The following BTBD16 variants were observed in gnomAD, a reference collection of about 807,000 sequenced individuals.
BTBD16 encodes the protein BTB/POZ domain-containing protein 16.
A neutral mutation model predicts 67.4 loss-of-function variants in BTBD16; 66 were observed. The ratio of observed to expected loss-of-function variants is 0.98; its 90% CI spans 0.80 to 1.20. BTBD16 has a LOEUF of 1.20. Among genes scored for constraint, BTBD16 ranks in the 50% most tolerant of loss-of-function variants. The pLI is 0.00. For synonymous variants in BTBD16, 242 were observed against 236.4 expected, an observed-to-expected ratio of 1.02 and a Z score of -0.22; for missense variants, 634 against 616.0, an observed-to-expected ratio of 1.03 and a Z score of -0.31.
At chr10:122,332,367 T>G in intron 12 of BTBD16, 69 bp from the exon 13 acceptor site, 3 of 1,469,130 alleles carry the variant, frequency 2.0e-6, no homozygotes, top group Non-Finnish European at 2.8e-6. Context: ...GGAAGAGGCA[T>G]GAAGATGAAG....
intron 10 of BTBD16, among the ~76,000 whole-genome samples, chr10:122,313,396 CT>C (rs2096417833): frequency 1.3e-5 from 2 of 151,410 alleles, no homozygotes; most frequent in Non-Finnish European, 2.9e-5. Context: ...TCCTGAGTAG[CT>C]GGGATTACAG....
At chr10:122,276,977 A>G (rs373085147) in intron 3 of BTBD16, 38 bp downstream of exon 3, 46 of 1,599,330 alleles carry the variant, frequency 2.9e-5, no homozygotes, top group Admixed American at 1.0e-4. Flanking sequence ...GGAATGGCCC[A>G]TTATTCCTGG....
At chr10:122,307,673 T>C (rs1256059317) in intron 10 of BTBD16, among the ~76,000 whole-genome samples, 1 of 152,192 alleles carries the variant, frequency 6.6e-6, no homozygotes, top group African/African-American at 2.4e-5. Flanking sequence ...AAACTCACTT[T>C]TTCTGTGGAA....
chr10:122,326,910 C>T (rs927422460), intron 10 of BTBD16, among the ~76,000 whole-genome samples: 3 of 152,256 alleles, frequency 2.0e-5, no homozygotes, highest in Non-Finnish European at 4.4e-5. Context: ...CCATGCCAGT[C>T]TTTGAGTCCA....
At chr10:122,304,550 C>CTTTT (rs3037891) in intron 9 of BTBD16, among the ~76,000 whole-genome samples, 2 of 95,430 alleles carry the variant, frequency 2.1e-5, no homozygotes, top group Non-Finnish European at 4.0e-5. Context: ...AGCAGGTATT[C>CTTTT]TTTTTTTTTT....
rs146319342 is a variant in BTBD16 at position 122,324,154 on chromosome 10, G to A, written c.912-5326G>A. Among the ~76,000 whole-genome samples, 926 of 152,262 alleles carry A rather than the reference G, an allele frequency of 6.1e-3. 6 individuals carry two copies. The highest frequency in any genetic ancestry group is 0.02 in the African/African-American group (832 of 41,546). Reference sequence around the variant, plus strand: ...AGCCTTTACAGAGCTTGACAAAGCCGGTTCCAGAAAGCCTTCTCTGATCTC... The same window carrying A: ...AGCCTTTACAGAGCTTGACAAAGCCAGTTCCAGAAAGCCTTCTCTGATCTC... On this transcript the variant is annotated intron_variant, in intron 10 of 15. Transcript: ENST00000260723.
Position 122,286,130 on chromosome 10 carries a change from C to T in BTBD16, c.267C>T (p.Phe89=). Residue 89 remains phenylalanine, a synonymous_variant, in exon 5 of 16, where the codon TTC becomes TTT. Coordinates refer to ENST00000260723, the MANE Select transcript of BTBD16 (RefSeq NM_144587.5). ...EADVILECLG[F]KWELHQPQLF... ...ATGTGATTCTCGAGTGCCTGGGCTT[C>T]AAATGGGAGCTCCATCAGCCCCAGC... 8 of 1,613,796 alleles carry T rather than the reference C, an allele frequency of 5.0e-6. No homozygotes were observed. The highest frequency in any genetic ancestry group is 6.8e-6 in the Non-Finnish European group (8 of 1,179,756).
chr10:122,284,609 A>T (rs915866061), intron 4 of BTBD16, among the ~76,000 whole-genome samples: 5 of 151,452 alleles, frequency 3.3e-5, no homozygotes, highest in African/African-American at 1.2e-4. Flanking sequence ...AAGAATCAGG[A>T]TAGGTCCTTT....
chr10:122,286,199 G>A lies in BTBD16; in HGVS notation c.336G>A (p.Leu112=). 1 of 1,613,916 alleles carries A rather than the reference G, an allele frequency of 6.2e-7. No homozygotes were observed. Among genetic ancestry groups the A allele is most frequent in the South Asian group, 1.1e-5 (1 of 91,038 alleles). The change falls in exon 5 of 16, where the codon CTG becomes CTA. Residue 112 remains leucine, a synonymous_variant. Transcript: ENST00000260723. ...ETLAKLYLKA[L]AQGTTHPLRE... ...TGGCCAAGCTCTACCTGAAAGCCCT[G>A]GCGCAGGGCACCACACACCCCCTGA...
intron 3 of BTBD16, among the ~76,000 whole-genome samples, chr10:122,277,151 A>G (rs2096342449): frequency 8.4e-6 from 1 of 119,628 alleles, no homozygotes; most frequent in African/African-American, 4.0e-5. Flanking sequence ...GCAGAGAAAG[A>G]TTGAATTTTT....
chr10:122,322,301 G>C (rs539794689), intron 10 of BTBD16, among the ~76,000 whole-genome samples: 2 of 152,118 alleles, frequency 1.3e-5, no homozygotes, highest in Non-Finnish European at 2.9e-5. Context: ...CTTCTTTTCT[G>C]ATTTAGAGCT....
At chr10:122,279,838 T>C (rs1195309923) in intron 3 of BTBD16, among the ~76,000 whole-genome samples, 1 of 152,178 alleles carries the variant, frequency 6.6e-6, no homozygotes, top group Non-Finnish European at 1.5e-5. Context: ...GGGGGTGCTG[T>C]CTGCTTGGAC....
intron 9 of BTBD16, among the ~76,000 whole-genome samples, chr10:122,302,923 G>A (rs772943747): frequency 6.6e-6 from 1 of 152,090 alleles, no homozygotes; most frequent in African/African-American, 2.4e-5. Context: ...ACGTCTGAGT[G>A]GCCTAAAGCC....
Position 122,299,051 on chromosome 10 carries a change from G to A in BTBD16, c.708G>A (p.Met236Ile). The A allele has an allele frequency of 6.2e-7, 1 of 1,614,072 alleles. No homozygotes were observed. Among genetic ancestry groups the A allele is most frequent in the South Asian group, 1.1e-5 (1 of 91,058 alleles). The change falls in exon 9 of 16, where the codon ATG becomes ATA. Residue 236 changes from methionine (M) to isoleucine (I), a missense_variant. Met to Ile is a conservative substitution (Grantham distance 10, BLOSUM62 1). Coordinates refer to ENST00000260723, the MANE Select transcript of BTBD16 (RefSeq NM_144587.5). ...CCGGCTGCGAGAAGTGGCTGGAAAT[G>A]AACTTGGTTCCTCTAGGGGGGACGC... Reference protein sequence around the residue: ...LTTGCEKWLEMNLVPLGGTQI... With the variant: ...LTTGCEKWLEINLVPLGGTQI...
At chr10:122,271,584 T>C (rs1243746830) in intron 1 of BTBD16, 70 bp downstream of exon 1, 1 of 152,254 alleles carries the variant, frequency 6.6e-6, no homozygotes, top group East Asian at 1.9e-4. Flanking sequence ...GGTGCTGTCT[T>C]AGCACCTGTC....
chr10:122,326,070 G>A (rs1165256246), intron 10 of BTBD16, among the ~76,000 whole-genome samples: 1 of 150,436 alleles, frequency 6.6e-6, no homozygotes, highest in Non-Finnish European at 1.5e-5. Context: ...TCTTCTCATT[G>A]TGAGTTATTG....
Position 122,283,851 on chromosome 10 carries a change from G to T in BTBD16, c.168G>T (p.Arg56Ser), listed in dbSNP as rs1156500411. 4.3e-6 allele frequency: 7 copies of T among 1,612,828 alleles called. No individual in the cohort carries two copies. The highest frequency in any genetic ancestry group is 1.3e-5 in the African/African-American group (1 of 74,918). ...DFEEALRNPD[R>S]LCISQIQKFF... ...TTTTATATTTGCATTTTCCCTTGAG[G>T]TTATGCATTTCACAAATCCAGAAGT... is the stretch of plus-strand genomic sequence containing the variant. Residue 56 changes from arginine (R) to serine (S), a missense_variant and splice_region_variant, in exon 4 of 16, where the codon AGG becomes AGT. Physicochemically the swap from Arg to Ser is moderately radical, Grantham distance 110. Coordinates refer to ENST00000260723, the MANE Select transcript of BTBD16 (RefSeq NM_144587.5).
intron 10 of BTBD16, among the ~76,000 whole-genome samples, chr10:122,313,502 ATCC>A (rs2096418027): frequency 6.6e-6 from 1 of 151,526 alleles, no homozygotes; most frequent in African/African-American, 2.4e-5. Context: ...TGACCTTGTG[ATCC>A]GCCCGCCTCG....
At chr10:122,328,511 G>A (rs189193486) in intron 10 of BTBD16, among the ~76,000 whole-genome samples, 20 of 152,342 alleles carry the variant, frequency 1.3e-4, no homozygotes, top group Admixed American at 4.6e-4. Context: ...GAAAATAAAC[G>A]GTTCCGGGAA....
Sources: gnomAD v4.1 joint callset for allele counts (sites outside exome capture counted in the v4.1 genomes callset) on GRCh38, gnomAD v4.1.1 for gene constraint, MANE v1.5 for transcripts, NCBI Gene and HGNC (gene_info 2026-07-23, HGNC 2026-07-21) for gene names.